HDAC1: variants seen among roughly 807,000 people sequenced by gnomAD.
HDAC1 encodes protein deacetylase HDAC1.
In HDAC1, 18 loss-of-function variants were observed where a neutral mutation model predicts 65.5. The ratio of observed to expected loss-of-function variants is 0.27; its 90% CI spans 0.19 to 0.41. The LOEUF (loss-of-function observed/expected upper bound fraction) is 0.41. Among genes scored for constraint, HDAC1 ranks in the 10% least tolerant of loss-of-function variants. The pLI is 1.00. For synonymous variants in HDAC1, 211 were observed against 227.9 expected, an observed-to-expected ratio of 0.93 and a Z score of 0.67; for missense variants, 373 against 625.2, an observed-to-expected ratio of 0.60 and a Z score of 4.30.
At chr1:32,326,093 ACTT>A (rs1641213749) in intron 4 of HDAC1, among the ~76,000 whole-genome samples, 2 of 152,122 alleles carry the variant, frequency 1.3e-5, no homozygotes, top group South Asian at 4.1e-4. Flanking sequence ...TTTATCTTTT[ACTT>A]CTTCTGGGAC....
At chr1:32,309,018 C>G (rs559620347) in intron 2 of HDAC1, among the ~76,000 whole-genome samples, 2 of 152,146 alleles carry the variant, frequency 1.3e-5, no homozygotes, top group South Asian at 4.2e-4. Context: ...CACCTTGTTG[C>G]CCAAGCTGGT....
intron 2 of HDAC1, among the ~76,000 whole-genome samples, chr1:32,309,680 CAAAAAA>C (rs560312057): frequency 2.0e-5 from 1 of 50,914 alleles, no homozygotes. Flanking sequence ...GAGCGAGTCT[CAAAAAA>C]AAAAAAAAAA....
At chr1:32,326,565 ACACT>A (rs1463625706) in intron 4 of HDAC1, among the ~76,000 whole-genome samples, 8 of 152,116 alleles carry the variant, frequency 5.3e-5, no homozygotes, top group African/African-American at 1.7e-4. Context: ...ATGCATGCAC[ACACT>A]CACTCACTCT....
chr1:32,312,995 TTTTTG>T (rs1357847502), intron 2 of HDAC1, among the ~76,000 whole-genome samples: 1 of 151,428 alleles, frequency 6.6e-6, no homozygotes, highest in Non-Finnish European at 1.5e-5. Context: ...AAAAGGTGTT[TTTTTG>T]TTTTGTTTTG....
rs756494106 is a variant in HDAC1, at chr1:32,331,574, G to A, written c.1080G>A (p.Glu360=). The change falls in exon 10 of 14, where the codon GAG becomes GAA. Residue 360 remains glutamate, a synonymous_variant. Transcript: ENST00000373548. This position sits in a 1 kb window ranked among gnomAD's most constrained non-coding sequence, Gnocchi z 4.2. ...MTNQNTNEYL[E]KIKQRLFENL... Reference sequence around the variant, plus strand: ...ACCAGAACACGAATGAGTACCTGGAGAAGATCAAGTGAGTATATCCTCCAG... The same window carrying A: ...ACCAGAACACGAATGAGTACCTGGAAAAGATCAAGTGAGTATATCCTCCAG... 2.4e-5 allele frequency: 39 copies of A among 1,610,734 alleles called. No homozygotes were observed. The highest frequency in any genetic ancestry group is 3.3e-5 in the Non-Finnish European group (39 of 1,177,046).
Position 32,327,326 on chromosome 1 carries a change from G to A in HDAC1, c.495-210G>A. 1 of 618,756 alleles carries A rather than the reference G, an allele frequency of 1.6e-6. No individual in the cohort carries two copies. Among genetic ancestry groups the A allele is most frequent in the Non-Finnish European group, 2.8e-6 (1 of 351,670 alleles). The allele number at this position is 618,756 out of a possible 1,614,324, so 38.3% of individuals were successfully genotyped here. A position where few individuals can be genotyped will look rare whatever the true frequency, so the allele number is the denominator to read the frequency against. On this transcript the variant is annotated intron_variant, in intron 5 of 13. Transcript: ENST00000373548. This position sits in a 1 kb window ranked among gnomAD's most constrained non-coding sequence, Gnocchi z 6.0. ...CCCTGTGTGGCTGGAGTTGACCCTG[G>A]CTGTAGAGTAGGAAGATCGGACTTG...
In HDAC1 at chr1:32,329,369, G is replaced by A. The variant is rs1641261306; in HGVS notation, c.729+209G>A. 5.0e-6 allele frequency: 3 copies of A among 600,172 alleles called. No homozygotes were observed. The highest frequency in any genetic ancestry group is 5.9e-6 in the Non-Finnish European group (2 of 336,740). 37.2% of individuals were successfully genotyped at this position (600,172 alleles called of 1,614,324 possible). A position where few individuals can be genotyped will look rare whatever the true frequency, so the allele number is the denominator to read the frequency against. On this transcript the variant is annotated intron_variant, in intron 7 of 13. Coordinates refer to ENST00000373548, the MANE Select transcript of HDAC1 (RefSeq NM_004964.3). The surrounding 1 kb of genome is among the most constrained non-coding windows in gnomAD (Gnocchi z 4.1). ...CCTTCTATGGGTCAGGTCTTCTGCTGGATACAAAAATATCTAAGACATGAT... is the reference window on the plus strand; with the variant it reads ...CCTTCTATGGGTCAGGTCTTCTGCTAGATACAAAAATATCTAAGACATGAT...
At chr1:32,293,176 C>T (rs1640720701) in intron 1 of HDAC1, among the ~76,000 whole-genome samples, 1 of 151,036 alleles carries the variant, frequency 6.6e-6, no homozygotes. Flanking sequence ...CAAAATTAGC[C>T]GCGCATGGTG....
intron 3 of HDAC1, among the ~76,000 whole-genome samples, chr1:32,323,068 C>T (rs1420260776): frequency 1.3e-5 from 2 of 151,994 alleles, no homozygotes; most frequent in Non-Finnish European, 2.9e-5. Flanking sequence ...TTTGGGAGGC[C>T]GAGGCGGGCG....
chr1:32,313,122 G>C (rs770129621), intron 2 of HDAC1, among the ~76,000 whole-genome samples: 6 of 150,918 alleles, frequency 4.0e-5, no homozygotes, highest in Non-Finnish European at 1.5e-5. Flanking sequence ...TTGAGATGGA[G>C]TCTCGCTTTG....
intron 2 of HDAC1, among the ~76,000 whole-genome samples, chr1:32,310,245 G>C (rs1640972381): frequency 6.6e-6 from 1 of 152,114 alleles, no homozygotes; most frequent in Non-Finnish European, 1.5e-5. Context: ...ATTTGAGTTT[G>C]GTGTTCCCTG....
chr1:32,316,272 A>T (rs1486834904), intron 2 of HDAC1, among the ~76,000 whole-genome samples: 2 of 151,214 alleles, frequency 1.3e-5, no homozygotes, highest in African/African-American at 4.9e-5. Flanking sequence ...AGACAGAGCG[A>T]GACTCCGTCT....
chr1:32,331,444 C>T lies in HDAC1; in HGVS notation c.980-30C>T. 1 of 1,350,858 alleles carries T rather than the reference C, an allele frequency of 7.4e-7. No homozygotes were observed. Among genetic ancestry groups the T allele is most frequent in the Non-Finnish European group, 1.1e-6 (1 of 940,168 alleles). The allele number at this position is 1,350,858 out of a possible 1,614,324, so 83.7% of individuals were successfully genotyped here. A position where few individuals can be genotyped will look rare whatever the true frequency, so the allele number is the denominator to read the frequency against. ...TGGTTAGGGTGCGGTGGCCAGGTCT[C>T]TTGACGGTCTTCTCTCCTGCCCCAA... On this transcript the variant is annotated intron_variant, in intron 9 of 13. Transcript: ENST00000373548. This position sits in a 1 kb window ranked among gnomAD's most constrained non-coding sequence, Gnocchi z 4.2.
At chr1:32,301,241 T>G (rs1309327767) in intron 1 of HDAC1, among the ~76,000 whole-genome samples, 5 of 142,186 alleles carry the variant, frequency 3.5e-5, no homozygotes, top group African/African-American at 7.9e-5. Flanking sequence ...GGTCAGGAGA[T>G]CAAGACCATC....
At chr1:32,320,899 C>CAAAAAAAAAAAAAAAAAA (rs1160071616) in intron 3 of HDAC1, among the ~76,000 whole-genome samples, 4 of 23,370 alleles carry the variant, frequency 1.7e-4, no homozygotes, top group Admixed American at 6.3e-4. Context: ...GACTCCATCT[C>CAAAAAAAAAAAAAAAAAA]AAAAAAAAAA....
chr1:32,314,569 G>A (rs1188295362), intron 2 of HDAC1, among the ~76,000 whole-genome samples: 2 of 152,042 alleles, frequency 1.3e-5, no homozygotes, highest in Non-Finnish European at 2.9e-5. Context: ...GCTCATGCCT[G>A]TAATCCCAGC....
Position 32,330,532 on chromosome 1 carries a change from G to A in HDAC1, c.730-46G>A, listed in dbSNP as rs778986200. 1.4e-5 allele frequency: 19 copies of A among 1,335,408 alleles called. No individual in the cohort carries two copies. The highest frequency in any genetic ancestry group is 6.9e-5 in the East Asian group (3 of 43,556). The allele number at this position is 1,335,408 out of a possible 1,614,324, so 82.7% of individuals were successfully genotyped here. On this transcript the variant is annotated intron_variant, in intron 7 of 13. Transcript: ENST00000373548. The surrounding 1 kb of genome is among the most constrained non-coding windows in gnomAD (Gnocchi z 4.2). ...ACCCAGCCTTTCCACTCCAAACCTC[G>A]TATTGCTTTCTTGAGGTTGGTGGTG...
Position 32,333,204 on chromosome 1 carries a change from T to C in HDAC1, c.*160T>C. 1 of 566,504 alleles carries C rather than the reference T, an allele frequency of 1.8e-6. No individual in the cohort carries two copies. Among genetic ancestry groups the C allele is most frequent in the Non-Finnish European group, 3.0e-6 (1 of 334,222 alleles). 35.1% of individuals were successfully genotyped at this position (566,504 alleles called of 1,614,324 possible). ...CAAGGCCCCGAGCTCAGGGCAGCTGTGCTGGGTGAGCTCTTCCAGGAGCCA... is the reference window on the plus strand; with the variant it reads ...CAAGGCCCCGAGCTCAGGGCAGCTGCGCTGGGTGAGCTCTTCCAGGAGCCA... On this transcript the variant is annotated 3_prime_UTR_variant, in exon 14 of 14. Transcript: ENST00000373548.
chr1:32,328,052 A>G (rs531697730), intron 6 of HDAC1, among the ~76,000 whole-genome samples: 1 of 152,304 alleles, frequency 6.6e-6, no homozygotes, highest in South Asian at 2.1e-4. Context: ...TTTGACTGAA[A>G]ACTATGGACT....
Sources: allele counts gnomAD v4.1 joint callset (sites outside exome capture counted in the v4.1 genomes callset), GRCh38; gene constraint gnomAD v4.1.1; non-coding constraint Gnocchi (gnomAD v3.1); transcripts MANE v1.5; gene names NCBI Gene and HGNC (gene_info 2026-07-23, HGNC 2026-07-21).